The following MARK3 variants were observed in gnomAD, a reference collection of about 807,000 sequenced individuals.
MARK3 encodes microtubule affinity regulating kinase 3.
Under a neutral mutation model 90.1 loss-of-function variants are expected in MARK3, and 46 were observed. The ratio of observed to expected loss-of-function variants is 0.51; its 90% CI spans 0.40 to 0.65. MARK3 has a LOEUF of 0.65. MARK3 is among the 30% of genes least tolerant of loss of function. The pLI, the probability that MARK3 is intolerant of heterozygous loss-of-function variation, is 0.00. For missense variants in MARK3, 818 were observed against 947.2 expected (o/e 0.86, Z 1.79); for synonymous variants, 321 against 332.6 (o/e 0.97, Z 0.38).
chr14:103,497,147 A>ATT (rs1201172767), intron 15 of MARK3, among the ~76,000 whole-genome samples: 3 of 152,362 alleles, frequency 2.0e-5, no homozygotes, highest in African/African-American at 7.2e-5. Context: ...ACTGCCTTAT[A>ATT]TTTAGGCAGT....
chr14:103,441,437 A>G (rs542006293), intron 3 of MARK3: 1 of 152,308 alleles, frequency 6.6e-6, no homozygotes, highest in African/African-American at 2.4e-5. Context: ...GGTGCCTGCC[A>G]TCACGCCTGG....
At chr14:103,456,437 C>T (rs1383888170) in intron 5 of MARK3, among the ~76,000 whole-genome samples, 1 of 152,226 alleles carries the variant, frequency 6.6e-6, no homozygotes, top group African/African-American at 2.4e-5. Flanking sequence ...CACACTTCTC[C>T]AGCCCTGTGG....
chr14:103,491,980 G>A lies in MARK3; in HGVS notation c.1790G>A (p.Arg597Gln), dbSNP rs185333227. 311 of 1,614,106 alleles carry A rather than the reference G, an allele frequency of 1.9e-4. 2 individuals are homozygous for A. The Admixed American group carries it at 4.9e-3, about 26-fold the overall frequency. ...GAAGCCACACCATTGTCCCAGACTCGAAGCCGAGGCTCCACTAATCTCTTT... is the reference window on the plus strand; with the variant it reads ...GAAGCCACACCATTGTCCCAGACTCAAAGCCGAGGCTCCACTAATCTCTTT... Reference protein sequence around the residue: ...SHEATPLSQTRSRGSTNLFSK... With the variant: ...SHEATPLSQTQSRGSTNLFSK... Residue 597 changes from arginine to glutamine, a missense_variant, in exon 15 of 18, where the codon CGA becomes CAA. By Grantham distance (43) the Arg-to-Gln change is conservative. This residue lies in a region of MARK3 where 560 missense variants were observed against 613.5 expected (regional missense o/e 0.91). Transcript: ENST00000429436.
At chr14:103,502,030 GC>G (rs1313633849) in intron 17 of MARK3, among the ~76,000 whole-genome samples, 1 of 152,166 alleles carries the variant, frequency 6.6e-6, no homozygotes, top group African/African-American at 2.4e-5. Context: ...CTTAATTGAG[GC>G]CACCAGATAC....
chr14:103,385,834 A>C lies in MARK3; in HGVS notation c.-196A>C. 2 of 468,520 alleles carry C rather than the reference A, an allele frequency of 4.3e-6. No homozygotes were observed. Among genetic ancestry groups the C allele is most frequent in the Non-Finnish European group, 3.8e-6 (1 of 266,194 alleles). The allele number at this position is 468,520 out of a possible 1,614,324, so 29.0% of individuals were successfully genotyped here. A position where few individuals can be genotyped will look rare whatever the true frequency, so the allele number is the denominator to read the frequency against. On this transcript the variant is annotated 5_prime_UTR_variant, in exon 1 of 18. Coordinates refer to ENST00000429436, the MANE Select transcript of MARK3 (RefSeq NM_001128918.3). Reference sequence around the variant, plus strand: ...TCGCCTCGGCCGCCGAGGCAGGGAGAGAATGAGCCCCGGGACCCGCCGGGG... The same window carrying C: ...TCGCCTCGGCCGCCGAGGCAGGGAGCGAATGAGCCCCGGGACCCGCCGGGG...
intron 12 of MARK3, among the ~76,000 whole-genome samples, chr14:103,473,723 G>T (rs1368171306): frequency 6.6e-6 from 1 of 151,924 alleles, no homozygotes; most frequent in Non-Finnish European, 1.5e-5. Flanking sequence ...TTGTTTGTTT[G>T]TTTTTTAAAT....
chr14:103,456,118 C>T (rs2093273083), intron 5 of MARK3, among the ~76,000 whole-genome samples: 1 of 152,154 alleles, frequency 6.6e-6, no homozygotes, highest in South Asian at 2.1e-4. Context: ...GCCACCTAGG[C>T]GTGCATCAGC....
rs75257822 is a variant in MARK3, at chr14:103,431,388, G to T, written c.297+2948G>T. On this transcript the variant is annotated intron_variant, in intron 3 of 17. Coordinates refer to ENST00000429436, the MANE Select transcript of MARK3 (RefSeq NM_001128918.3). Reference sequence around the variant, plus strand: ...TGGGATTACACGTGTGAGCCACCATGCCCAGGCCAAGGTGTGTGGATCACT... The same window carrying T: ...TGGGATTACACGTGTGAGCCACCATTCCCAGGCCAAGGTGTGTGGATCACT... 9.5e-3 allele frequency among the ~76,000 whole-genome samples: 1,447 copies of T among 152,178 alleles called. 21 individuals carry two copies. The highest frequency in any genetic ancestry group is 0.033 in the African/African-American group (1,389 of 41,548).
chr14:103,451,638 CAG>C (rs1322889566), intron 4 of MARK3, among the ~76,000 whole-genome samples: 1 of 152,172 alleles, frequency 6.6e-6, no homozygotes, highest in East Asian at 1.9e-4. Context: ...GTGAGGGTGA[CAG>C]AGGAAGTGAG....
At chr14:103,454,282 T>C (rs1165604811) in intron 5 of MARK3, among the ~76,000 whole-genome samples, 1 of 151,888 alleles carries the variant, frequency 6.6e-6, no homozygotes, top group African/African-American at 2.4e-5. Context: ...AGACAGGGTC[T>C]CACTCTGTTG....
intron 5 of MARK3, among the ~76,000 whole-genome samples, chr14:103,452,760 C>T (rs112484789): frequency 0.088 from 13,424 of 152,116 alleles, 875 homozygotes; most frequent in Non-Finnish European, 0.14. Context: ...CGTGAGCCAC[C>T]GCGCCCGGCC....
At chr14:103,430,336 A>G (rs1040943926) in intron 3 of MARK3, among the ~76,000 whole-genome samples, 2 of 152,082 alleles carry the variant, frequency 1.3e-5, no homozygotes, top group Admixed American at 1.3e-4. Context: ...TTTGTTTCCA[A>G]TTCTTTTTCA....
chr14:103,415,935 GACTTCC>G (rs1323062808), intron 2 of MARK3, among the ~76,000 whole-genome samples: 1 of 151,972 alleles, frequency 6.6e-6, no homozygotes, highest in Non-Finnish European at 1.5e-5. Context: ...AAACATCATT[GACTTCC>G]ACTTCCCACT....
intron 6 of MARK3, among the ~76,000 whole-genome samples, chr14:103,460,657 A>ATT (rs2093383864): frequency 6.6e-6 from 1 of 152,242 alleles, no homozygotes; most frequent in African/African-American, 2.4e-5. Flanking sequence ...GAGAAAGGGC[A>ATT]GGAAATCAAA....
chr14:103,402,546 C>CAAAA (rs11445712), intron 1 of MARK3, among the ~76,000 whole-genome samples: 1 of 146,624 alleles, frequency 6.8e-6, no homozygotes. Context: ...GACTCCATCT[C>CAAAA]AAAAAAAAAA....
chr14:103,491,814 C>T lies in MARK3; in HGVS notation c.1624C>T (p.His542Tyr). Residue 542 changes from histidine (H) to tyrosine (Y), a missense_variant, in exon 15 of 18, where the codon CAC (histidine) becomes TAC (tyrosine). His to Tyr is a moderately conservative substitution (Grantham distance 83). This residue lies in a region of MARK3 where 560 missense variants were observed against 613.5 expected (regional missense o/e 0.91). Transcript: ENST00000429436. ...PDQRTPVAST[H>Y]SISSAATPDR... ...TCAGAGAACTCCAGTTGCTTCAACACACAGTATCAGTAGTGCAGCCACCCC... is the reference window on the plus strand; with the variant it reads ...TCAGAGAACTCCAGTTGCTTCAACATACAGTATCAGTAGTGCAGCCACCCC... The T allele has an allele frequency of 1.2e-6, 2 of 1,614,194 alleles. No individual in the cohort carries two copies. The highest frequency in any genetic ancestry group is 8.5e-7 in the Non-Finnish European group (1 of 1,180,024).
chr14:103,480,454 A>G lies in MARK3; in HGVS notation c.1550A>G (p.Asp517Gly), dbSNP rs776362898. The G allele has an allele frequency of 1.9e-6, 3 of 1,613,094 alleles. No homozygotes were observed. The highest frequency in any genetic ancestry group is 2.2e-5 in the East Asian group (1 of 44,858). Residue 517 changes from aspartate (D) to glycine (G), a missense_variant, in exon 14 of 18, where the codon GAT becomes GGT. Around this residue, in one of 3 missense-constraint regions of MARK3, gnomAD observed 560 missense variants for 613.5 expected, o/e 0.91. Coordinates refer to ENST00000429436, the MANE Select transcript of MARK3 (RefSeq NM_001128918.3). ...GTTTGCAGTGAGAGAACTACAGCTGATAGACACTCAGTGATTCAGAATGGC... is the reference window on the plus strand; with the variant it reads ...GTTTGCAGTGAGAGAACTACAGCTGGTAGACACTCAGTGATTCAGAATGGC... ...TYVCSERTTA[D>G]RHSVIQNGKE...
intron 1 of MARK3, among the ~76,000 whole-genome samples, chr14:103,396,788 C>T (rs542723802): frequency 1.3e-5 from 2 of 152,106 alleles, no homozygotes; most frequent in South Asian, 4.1e-4. Context: ...CTTGGGGTAC[C>T]TTTTTTCCTT....
chr14:103,450,974 A>AG (rs1439608192), intron 4 of MARK3, among the ~76,000 whole-genome samples: 1 of 119,152 alleles, frequency 8.4e-6, no homozygotes, highest in East Asian at 2.5e-4. Flanking sequence ...TCTGTTGTCC[A>AG]GGCTGGAGTG....
Sources: allele counts gnomAD v4.1 joint callset (sites outside exome capture counted in the v4.1 genomes callset), GRCh38; gene constraint gnomAD v4.1.1; regional missense constraint gnomAD v4.1.1; transcripts MANE v1.5; gene names NCBI Gene and HGNC (gene_info 2026-07-23, HGNC 2026-07-21).